Variants in ZNF503 observed in about 807,000 individuals in gnomAD.
The protein encoded by ZNF503 is NocA-like zinc finger 2.
In ZNF503, 15 loss-of-function variants were observed where a neutral mutation model predicts 34.4. The ratio of observed to expected loss-of-function variants is 0.44; its 90% CI spans 0.29 to 0.67. ZNF503 has a LOEUF of 0.67. ZNF503 is among the 30% of genes least tolerant of loss of function. The probability of loss-of-function intolerance (pLI) is 0.13; values close to 1 mark genes in which losing one functional copy is unlikely to be tolerated. For missense variants in ZNF503, 1,007 were observed against 926.8 expected (o/e 1.09, Z -1.12); for synonymous variants, 580 against 456.8 (o/e 1.27, Z -3.44).
the ZNF503 span, among the ~76,000 whole-genome samples, chr10:75,297,532 T>C: frequency 2.0e-5 from 3 of 152,200 alleles, no homozygotes; most frequent in Non-Finnish European, 2.9e-5. Flanking sequence ...GGCTCTTTTA[T>C]AGTAAGAAAC....
At chr10:75,283,619 A>C in the ZNF503 span, among the ~76,000 whole-genome samples, 307 of 152,184 alleles carry the variant, frequency 2.0e-3, 1 homozygote, top group Non-Finnish European at 3.8e-3. Context: ...TCGGGAACCC[A>C]ACCCAAGCCA....
the ZNF503 span, among the ~76,000 whole-genome samples, chr10:75,388,181 C>G: frequency 1.6e-4 from 24 of 152,228 alleles, no homozygotes; most frequent in East Asian, 3.8e-4. Flanking sequence ...GGGGCCTAGA[C>G]AGCTGGATCT....
chr10:75,384,634 C>T, the ZNF503 span, among the ~76,000 whole-genome samples: 1 of 152,144 alleles, frequency 6.6e-6, no homozygotes, highest in Non-Finnish European at 1.5e-5. Context: ...AGGGACACAG[C>T]CCTGTAGCCC....
the ZNF503 span, among the ~76,000 whole-genome samples, chr10:75,375,195 A>G: frequency 2.9e-3 from 435 of 152,236 alleles, 5 homozygotes; most frequent in African/African-American, 9.3e-3. Context: ...ATCTCAGCTC[A>G]CTGCAACCCC....
chr10:75,337,407 G>A, the ZNF503 span, among the ~76,000 whole-genome samples: 3 of 151,832 alleles, frequency 2.0e-5, no homozygotes, highest in East Asian at 1.9e-4. Context: ...GGCGGATCAC[G>A]AGGTCAGGAG....
At chr10:75,382,592 G>T in the ZNF503 span, 2 of 428,576 alleles carry the variant, frequency 4.7e-6, no homozygotes, top group Admixed American at 3.3e-5. Flanking sequence ...TTCTTGTTTA[G>T]GATCACATTT....
At chr10:75,307,894 C>T in the ZNF503 span, among the ~76,000 whole-genome samples, 2 of 152,124 alleles carry the variant, frequency 1.3e-5, no homozygotes, top group Non-Finnish European at 2.9e-5. Context: ...GCCTGGGAAA[C>T]ATAGCAAGAC....
the ZNF503 span, among the ~76,000 whole-genome samples, chr10:75,307,677 G>C: frequency 6.6e-6 from 1 of 152,218 alleles, no homozygotes; most frequent in Non-Finnish European, 1.5e-5. Flanking sequence ...TGGCTTCAAA[G>C]CTTCAAAGGA....
the ZNF503 span, among the ~76,000 whole-genome samples, chr10:75,388,999 A>G: frequency 6.6e-6 from 1 of 152,234 alleles, no homozygotes; most frequent in Non-Finnish European, 1.5e-5. Context: ...TGTCAAAAAA[A>G]GGTTGAGGTT....
chr10:75,287,015 G>C, the ZNF503 span, among the ~76,000 whole-genome samples: 1 of 152,160 alleles, frequency 6.6e-6, no homozygotes, highest in South Asian at 2.1e-4. Flanking sequence ...CCAGCTGAAG[G>C]GGCATGACCC....
the ZNF503 span, chr10:75,295,693 C>T: frequency 6.6e-6 from 1 of 152,134 alleles, no homozygotes; most frequent in South Asian, 2.1e-4. The surrounding 1 kb of genome is among the most constrained non-coding windows in gnomAD (Gnocchi z 4.0). Context: ...AATGAATACT[C>T]GACTGTTATA....
At chr10:75,376,316 G>A in the ZNF503 span, among the ~76,000 whole-genome samples, 16 of 152,102 alleles carry the variant, frequency 1.1e-4, no homozygotes, top group African/African-American at 3.9e-4. Flanking sequence ...CTCTGGCTTA[G>A]GTGTCATATT....
At chr10:75,395,004 C>T (rs1055048228), downstream of ZNF503, among the ~76,000 whole-genome samples, 3 of 152,202 alleles carry the variant, frequency 2.0e-5, no homozygotes, top group Non-Finnish European at 4.4e-5. This position sits in a 1 kb window ranked among gnomAD's most constrained non-coding sequence, Gnocchi z 4.4. Context: ...GCCTTATCCG[C>T]CAGCCCTGCC....
the ZNF503 span, among the ~76,000 whole-genome samples, chr10:75,298,196 T>A: frequency 6.6e-6 from 1 of 152,226 alleles, no homozygotes; most frequent in Non-Finnish European, 1.5e-5. Context: ...ATAATTTTAC[T>A]AAGATATAAT....
At chr10:75,296,123 C>T in the ZNF503 span, among the ~76,000 whole-genome samples, 1 of 152,230 alleles carries the variant, frequency 6.6e-6, no homozygotes, top group Non-Finnish European at 1.5e-5. Context: ...CCTGGCTGCA[C>T]ATCTCTGAGG....
the ZNF503 span, among the ~76,000 whole-genome samples, chr10:75,329,417 TCCTTC>T: frequency 1.6e-5 from 1 of 64,044 alleles, no homozygotes; most frequent in African/African-American, 5.5e-5. Context: ...TTCCTTCCTT[TCCTTC>T]CTTCCTTCCT....
At chr10:75,309,856 GA>G in the ZNF503 span, among the ~76,000 whole-genome samples, 3 of 152,112 alleles carry the variant, frequency 2.0e-5, no homozygotes, top group South Asian at 6.2e-4. Flanking sequence ...TTTCCTCTAA[GA>G]GTTTATAGTT....
At chr10:75,395,783 C>T (rs1341921677), downstream of ZNF503, among the ~76,000 whole-genome samples, 3 of 152,234 alleles carry the variant, frequency 2.0e-5, no homozygotes, top group African/African-American at 4.8e-5. The surrounding 1 kb of genome is among the most constrained non-coding windows in gnomAD (Gnocchi z 4.4). Context: ...TGTGTAGCTG[C>T]TCCCGGAAGG....
At chr10:75,360,114 CTTTTTTTTTTT>C in the ZNF503 span, among the ~76,000 whole-genome samples, 2 of 108,488 alleles carry the variant, frequency 1.8e-5, no homozygotes, top group East Asian at 3.0e-4. Flanking sequence ...CCAAAGGTTT[CTTTTTTTTTTT>C]TTTTTTTTTT....
Sources: allele counts gnomAD v4.1 joint callset (sites outside exome capture counted in the v4.1 genomes callset), GRCh38; gene constraint gnomAD v4.1.1; non-coding constraint Gnocchi (gnomAD v3.1); transcripts MANE v1.5; gene names NCBI Gene and HGNC (gene_info 2026-07-23, HGNC 2026-07-21).